Variants in DNAH6 observed in about 807,000 individuals in gnomAD.
The protein encoded by DNAH6 is axonemal beta dynein heavy chain 6.
In DNAH6, 340 loss-of-function variants were observed where a neutral mutation model predicts 491.4. That is an observed-to-expected ratio of 0.69 (90% CI 0.63 to 0.76). The LOEUF (loss-of-function observed/expected upper bound fraction) is 0.76, where lower values mean the gene tolerates loss of function less well. Ranked by LOEUF, DNAH6 falls within the 30% of genes least tolerant of loss-of-function variation. The pLI is 0.00. For missense variants in DNAH6, 4,443 were observed against 4,972.2 expected, an observed-to-expected ratio of 0.89 and a Z score of 3.20; for synonymous variants, 1,603 against 1,686.1, an observed-to-expected ratio of 0.95 and a Z score of 1.21.
At chr2:84,555,839 C>T (rs2104586623) in intron 10 of DNAH6, among the ~76,000 whole-genome samples, 1 of 152,246 alleles carries the variant, frequency 6.6e-6, no homozygotes, top group South Asian at 2.1e-4. Flanking sequence ...TCCCTTACCT[C>T]CTTGAGATCA....
chr2:84,685,977 A>T (rs1694219261), intron 43 of DNAH6, among the ~76,000 whole-genome samples: 1 of 152,206 alleles, frequency 6.6e-6, no homozygotes, highest in African/African-American at 2.4e-5. Context: ...TCACAAAGTC[A>T]GGAGTTCAAG....
chr2:84,528,374 A>C (rs1676804242), intron 3 of DNAH6, among the ~76,000 whole-genome samples: 2 of 152,188 alleles, frequency 1.3e-5, no homozygotes, highest in Non-Finnish European at 2.9e-5. Flanking sequence ...TTAGTTGATA[A>C]AATCAATGCT....
Position 84,529,252 on chromosome 2 carries a change from TAAC to T in DNAH6, c.662+89_662+91del, listed in dbSNP as rs983131406. On this transcript the variant is annotated intron_variant, in intron 4 of 76. Coordinates refer to ENST00000389394, the MANE Select transcript of DNAH6 (RefSeq NM_001370.2). ...TTTATAATTGATTGGATATTAATAA[TAAC>T]AATATCAAATATAATTTTGGTTATC... 2.5e-4 allele frequency: 257 copies of T among 1,019,628 alleles called. No homozygotes were observed. The African/African-American group carries it at 2.8e-3, about 11-fold the overall frequency. 63.2% of individuals were successfully genotyped at this position (1,019,628 alleles called of 1,614,324 possible). A position where few individuals can be genotyped will look rare whatever the true frequency, so the allele number is the denominator to read the frequency against.
At chr2:84,595,876 T>G in intron 18 of DNAH6, 87 bp downstream of exon 18, 1 of 1,326,030 alleles carries the variant, frequency 7.5e-7, no homozygotes. Context: ...AATTTTTCCC[T>G]GATTAAGTTA....
intron 64 of DNAH6, among the ~76,000 whole-genome samples, chr2:84,778,742 C>G (rs1215952744): frequency 6.6e-6 from 1 of 152,174 alleles, no homozygotes; most frequent in East Asian, 1.9e-4. Context: ...AAGTGCCCTC[C>G]ACCTCCGCCT....
chr2:84,775,592 C>T (rs146385735), intron 64 of DNAH6, among the ~76,000 whole-genome samples: 271 of 152,238 alleles, frequency 1.8e-3, no homozygotes, highest in African/African-American at 6.4e-3. Context: ...TTGGTACCAG[C>T]TATTCTTTGT....
chr2:84,495,533 A>G, the DNAH6 span, among the ~76,000 whole-genome samples: 1 of 152,202 alleles, frequency 6.6e-6, no homozygotes, highest in Non-Finnish European at 1.5e-5. Context: ...AAGTCTTGAA[A>G]TGTAATTATC....
In DNAH6 at chr2:84,621,171, A is replaced by G. The variant is rs755135309; in HGVS notation, c.3793-20A>G. 1.5e-5 allele frequency: 23 copies of G among 1,550,688 alleles called. No individual in the cohort carries two copies. Among genetic ancestry groups the G allele is most frequent in the African/African-American group, 1.4e-4 (10 of 73,018 alleles). On this transcript the variant is annotated intron_variant, in intron 24 of 76. Coordinates refer to ENST00000389394, the MANE Select transcript of DNAH6 (RefSeq NM_001370.2). The stretch of plus-strand genomic sequence containing the variant: ...AAGTCCCACACAAGCCACTTTATCA[A>G]TGCTCTGATTACCTTTTAGGTTAGC...
At chr2:84,582,984 A>C (rs1424656449) in intron 14 of DNAH6, among the ~76,000 whole-genome samples, 4 of 152,234 alleles carry the variant, frequency 2.6e-5, no homozygotes, top group Non-Finnish European at 5.9e-5. Context: ...GCCTGTGGCC[A>C]GGAAATTGGG....
At chr2:84,748,755 G>A (rs895821064) in intron 63 of DNAH6, among the ~76,000 whole-genome samples, 2 of 152,120 alleles carry the variant, frequency 1.3e-5, no homozygotes, top group African/African-American at 2.4e-5. Flanking sequence ...CCATTCCTCA[G>A]TACCAACTTT....
At chr2:84,665,025 A>C (rs186344244) in intron 37 of DNAH6, among the ~76,000 whole-genome samples, 1 of 152,348 alleles carries the variant, frequency 6.6e-6, no homozygotes, top group African/African-American at 2.4e-5. Flanking sequence ...ATGAAGGCAG[A>C]AGTAAAGATG....
intron 43 of DNAH6, 56 bp downstream of exon 43, chr2:84,685,528 T>C: frequency 8.4e-7 from 1 of 1,189,942 alleles, no homozygotes; most frequent in South Asian, 2.4e-5. Flanking sequence ...AGCAATTTGG[T>C]TTCTACAAAG....
In DNAH6 at chr2:84,553,035, G is replaced by C; in HGVS notation, c.1602+1G>C. The C allele has an allele frequency of 6.4e-7, 1 of 1,564,908 alleles. No homozygotes were observed. Among genetic ancestry groups the C allele is most frequent in the Non-Finnish European group, 8.7e-7 (1 of 1,145,500 alleles). On this transcript the variant is annotated splice_donor_variant, in intron 10 of 76. Coordinates refer to ENST00000389394, the MANE Select transcript of DNAH6 (RefSeq NM_001370.2). LOFTEE classifies it high-confidence loss of function. ...TGAGCCTTCTCTGGAAGACTTTCTG[G>C]TGTGTGTTTTTCATGTATTATCCAC...
At chr2:84,740,733 C>T (rs1360653254) in intron 62 of DNAH6, among the ~76,000 whole-genome samples, 1 of 152,190 alleles carries the variant, frequency 6.6e-6, no homozygotes, top group Non-Finnish European at 1.5e-5. Context: ...ATGACCCATG[C>T]AGACCAGTTC....
chr2:84,482,376 G>A, the DNAH6 span, among the ~76,000 whole-genome samples: 1 of 152,204 alleles, frequency 6.6e-6, no homozygotes, highest in East Asian at 1.9e-4. Context: ...TGACGTTTAA[G>A]TCATGCTTCC....
At chr2:84,765,468 C>G (rs1435011902) in intron 64 of DNAH6, among the ~76,000 whole-genome samples, 1 of 151,976 alleles carries the variant, frequency 6.6e-6, no homozygotes, top group Admixed American at 6.6e-5. Flanking sequence ...CTAATGAGTG[C>G]TAATTTCTTG....
intron 13 of DNAH6, among the ~76,000 whole-genome samples, chr2:84,577,739 A>G (rs1682605615): frequency 6.6e-6 from 1 of 152,174 alleles, no homozygotes; most frequent in Non-Finnish European, 1.5e-5. Context: ...TTGATTCTAG[A>G]CCACCGAGAT....
intron 23 of DNAH6, among the ~76,000 whole-genome samples, chr2:84,619,451 G>A (rs1358093796): frequency 6.6e-6 from 1 of 152,084 alleles, no homozygotes; most frequent in African/African-American, 2.4e-5. Context: ...TATCTTTTAT[G>A]TACTAGACAC....
chr2:84,652,361 T>C (rs1690533644), intron 33 of DNAH6, among the ~76,000 whole-genome samples: 1 of 152,110 alleles, frequency 6.6e-6, no homozygotes, highest in African/African-American at 2.4e-5. Context: ...TTGGGAATCA[T>C]TTCCTATGTT....
Sources: gnomAD v4.1 joint callset for allele counts (sites outside exome capture counted in the v4.1 genomes callset) on GRCh38, gnomAD v4.1.1 for gene constraint, MANE v1.5 for transcripts, NCBI Gene and HGNC (gene_info 2026-07-23, HGNC 2026-07-21) for gene names.